The following FEZ1 variants were observed in gnomAD, a reference collection of about 807,000 sequenced individuals.
The protein encoded by FEZ1 is fasciculation and elongation protein zeta 1.
FEZ1 carries 20 observed loss-of-function variants against 49.3 expected under a neutral mutation model. The ratio of observed to expected loss-of-function variants is 0.41; its 90% CI spans 0.29 to 0.59. FEZ1 has a LOEUF of 0.59. Ranked by LOEUF, FEZ1 falls within the 20% of genes least tolerant of loss-of-function variation. The pLI, the probability that FEZ1 is intolerant of heterozygous loss-of-function variation, is 0.36. For synonymous variants in FEZ1, 170 were observed against 180.9 expected (o/e 0.94, Z 0.48); for missense variants, 413 against 476.0 (o/e 0.87, Z 1.23).
chr11:125,471,138 G>C (rs2135763237), intron 3 of FEZ1, among the ~76,000 whole-genome samples: 1 of 152,156 alleles, frequency 6.6e-6, no homozygotes, highest in Non-Finnish European at 1.5e-5. Flanking sequence ...CAAAGCCAAA[G>C]AATATTTGAT....
intron 1 of FEZ1, among the ~76,000 whole-genome samples, 197 bp from the exon 2 acceptor site, chr11:125,490,019 T>C (rs74837325): frequency 0.012 from 1,826 of 152,260 alleles, 34 homozygotes; most frequent in African/African-American, 0.032. Context: ...AAGTGATTAA[T>C]TGCTCTGTGC....
chr11:125,457,429 A>AAAAAAAT (rs1164500309), intron 5 of FEZ1, among the ~76,000 whole-genome samples: 6 of 20,912 alleles, frequency 2.9e-4, no homozygotes, highest in African/African-American at 4.0e-4. Context: ...AAAAAAAAAA[A>AAAAAAAT]ATATATATAT....
chr11:125,482,860 A>G (rs1429027301), intron 2 of FEZ1, among the ~76,000 whole-genome samples: 1 of 150,716 alleles, frequency 6.6e-6, no homozygotes, highest in Non-Finnish European at 1.5e-5. Flanking sequence ...GCTACTTGAG[A>G]GGCTTGAAGT....
In FEZ1 at chr11:125,448,345, A is replaced by G. The variant is rs73621293; in HGVS notation, c.1162+157T>C. Among the ~76,000 whole-genome samples the G allele has an allele frequency of 4.9e-3, 742 of 152,270 alleles. 7 individuals carry two copies. Among genetic ancestry groups the G allele is most frequent in the African/African-American group, 0.017 (691 of 41,562 alleles). ...TCCTGCGGCCTCCTGGCAACACCCAAAGGGAAAACCTATTACTCCAAAGCC... is the reference window on the plus strand; with the variant it reads ...TCCTGCGGCCTCCTGGCAACACCCAGAGGGAAAACCTATTACTCCAAAGCC... On this transcript the variant is annotated intron_variant, in intron 9 of 9. Transcript: ENST00000278919.
intron 3 of FEZ1, chr11:125,469,081 G>C (rs1426520333): frequency 1.3e-5 from 2 of 152,228 alleles, no homozygotes; most frequent in African/African-American, 4.8e-5. Flanking sequence ...CCCTGAGTAG[G>C]CTCCAAGGAC....
At chr11:125,450,597 G>T (rs1956945435) in intron 8 of FEZ1, among the ~76,000 whole-genome samples, 1 of 152,102 alleles carries the variant, frequency 6.6e-6, no homozygotes, top group South Asian at 2.1e-4. Flanking sequence ...TTCATATGAG[G>T]ATCTGCCAAA....
chr11:125,455,753 C>A, intron 6 of FEZ1, 82 bp downstream of exon 6: 4 of 1,402,692 alleles, frequency 2.9e-6, no homozygotes, highest in South Asian at 2.3e-5. Context: ...GTTGATGAGT[C>A]CCCTGCAGGG....
chr11:125,465,486 C>A (rs73623113), intron 3 of FEZ1, among the ~76,000 whole-genome samples: 2 of 152,126 alleles, frequency 1.3e-5, no homozygotes, highest in African/African-American at 2.4e-5. Context: ...TCCCCTCCCC[C>A]TCTCAGGCGC....
At chr11:125,447,173 A>C (rs773789505) in intron 9 of FEZ1, among the ~76,000 whole-genome samples, 3 of 152,242 alleles carry the variant, frequency 2.0e-5, no homozygotes, top group Non-Finnish European at 4.4e-5. Context: ...ATAACCACCT[A>C]TAATGTAGTG....
chr11:125,449,043 T>C (rs1337030627), intron 8 of FEZ1, among the ~76,000 whole-genome samples: 2 of 151,954 alleles, frequency 1.3e-5, no homozygotes, highest in Non-Finnish European at 1.5e-5. Context: ...GTGACTTTCT[T>C]TTCTTTTTTA....
intron 3 of FEZ1, among the ~76,000 whole-genome samples, chr11:125,471,370 GC>G (rs1957181518): frequency 6.6e-6 from 1 of 151,532 alleles, no homozygotes; most frequent in African/African-American, 2.4e-5. Context: ...TACACTACCT[GC>G]AAAAACACAC....
intron 1 of FEZ1, among the ~76,000 whole-genome samples, chr11:125,494,885 G>A (rs575618047): frequency 6.6e-6 from 1 of 152,080 alleles, no homozygotes; most frequent in South Asian, 2.1e-4. Flanking sequence ...GCTGGGCCTC[G>A]GCACCTCCAC....
Position 125,460,683 on chromosome 11 carries a change from AG to A in FEZ1, c.499-18del, listed in dbSNP as rs1312152854. The A allele has an allele frequency of 1.1e-5, 18 of 1,610,938 alleles. No homozygotes were observed. Among genetic ancestry groups the A allele is most frequent in the Non-Finnish European group, 1.5e-5 (18 of 1,179,112 alleles). ...CTCAATTACCTGAAGAAGGTACACG[AG>A]AGAGTGCTAACTCTGTTCTCTGCTA... is the stretch of plus-strand genomic sequence containing the variant. On this transcript the variant is annotated intron_variant, in intron 4 of 9. Transcript: ENST00000278919.
rs143211950 is a variant in FEZ1 at position 125,491,147 on chromosome 11, C to T, written c.-45-1325G>A. ...TATCCTGTATCCTGTAAGAAACAGA[C>T]CCAACTACCCATGTGCTCCAAAGCC... On this transcript the variant is annotated intron_variant, in intron 1 of 9. Transcript: ENST00000278919. Among the ~76,000 whole-genome samples the T allele has an allele frequency of 1.4e-3, 215 of 152,246 alleles. 2 individuals carry two copies. The highest frequency in any genetic ancestry group is 4.9e-3 in the African/African-American group (205 of 41,546).
chr11:125,472,901 G>T (rs1957195437), intron 3 of FEZ1, among the ~76,000 whole-genome samples: 2 of 152,076 alleles, frequency 1.3e-5, no homozygotes, highest in African/African-American at 4.8e-5. Flanking sequence ...ACATTAACAT[G>T]ATAAATTGAT....
chr11:125,482,841 A>G (rs915275277), intron 2 of FEZ1, among the ~76,000 whole-genome samples: 4 of 151,910 alleles, frequency 2.6e-5, no homozygotes, highest in African/African-American at 7.3e-5. Flanking sequence ...GCATGGGCCT[A>G]TAGTCCCAGC....
chr11:125,460,760 C>G (rs1181702131), intron 4 of FEZ1, 94 bp from the exon 5 acceptor site: 4 of 1,061,148 alleles, frequency 3.8e-6, no homozygotes, highest in Non-Finnish European at 5.4e-6. Context: ...TCCTAATTAG[C>G]TATCTGAAAA....
In FEZ1 at chr11:125,489,717, C is replaced by T. The variant is rs1391662277; in HGVS notation, c.61G>A (p.Glu21Lys). ...EFEDLRPSCS[E>K]DPEEKPQCFY... ...CACTGGGGCTTCTCCTCCGGGTCCT[C>T]CGAGCAGGAGGGTCGAAGGTCCTCA... The change falls in exon 2 of 10, where the codon GAG becomes AAG. Residue 21 changes from glutamate (E) to lysine (K), a missense_variant. By Grantham distance (56) the Glu-to-Lys change is moderately conservative (BLOSUM62 1). Coordinates refer to ENST00000278919, the MANE Select transcript of FEZ1 (RefSeq NM_005103.5). This position sits in a 1 kb window ranked among gnomAD's most constrained non-coding sequence, Gnocchi z 4.2. 1.2e-6 allele frequency: 2 copies of T among 1,608,036 alleles called. No individual in the cohort carries two copies. Among genetic ancestry groups the T allele is most frequent in the Non-Finnish European group, 1.7e-6 (2 of 1,176,744 alleles).
At position 125,495,999 on chromosome 11, in the gene FEZ1, G is replaced by A. The variant is rs1393038163; in HGVS notation, c.-46+122C>T. On this transcript the variant is annotated intron_variant, in intron 1 of 9. Transcript: ENST00000278919. This position sits in a 1 kb window ranked among gnomAD's most constrained non-coding sequence, Gnocchi z 4.2. The stretch of plus-strand genomic sequence containing the variant: ...TAATCCCAGAATGGGACCAGGTGAG[G>A]GGAGCTGCGGCGACCCCAGACCGTC... 5.1e-6 allele frequency: 1 copy of A among 195,066 alleles called. No individual in the cohort carries two copies. The highest frequency in any genetic ancestry group is 1.0e-5 in the Non-Finnish European group (1 of 96,454). 12.1% of individuals were successfully genotyped at this position (195,066 alleles called of 1,614,324 possible).
Sources: allele counts gnomAD v4.1 joint callset (sites outside exome capture counted in the v4.1 genomes callset), GRCh38; gene constraint gnomAD v4.1.1; non-coding constraint Gnocchi (gnomAD v3.1); transcripts MANE v1.5; gene names NCBI Gene and HGNC (gene_info 2026-07-23, HGNC 2026-07-21).